ARHGEF28: variants seen among roughly 807,000 people sequenced by gnomAD.
ARHGEF28 encodes 190 kDa guanine nucleotide exchange factor.
ARHGEF28 carries 152 observed loss-of-function variants against 206.6 expected under a neutral mutation model. The observed-to-expected ratio is 0.74, with a 90% CI of 0.64 to 0.84. The LOEUF (loss-of-function observed/expected upper bound fraction) is 0.84. ARHGEF28 is among the 40% of genes least tolerant of loss of function. The pLI, the probability that ARHGEF28 is intolerant of heterozygous loss-of-function variation, is 0.00. For synonymous variants in ARHGEF28, 763 were observed against 776.4 expected (o/e 0.98, Z 0.29); for missense variants, 2,028 against 2,073.2 (o/e 0.98, Z 0.42).
intron 2 of ARHGEF28, among the ~76,000 whole-genome samples, chr5:73,733,938 C>A (rs1750754827): frequency 6.6e-6 from 1 of 151,958 alleles, no homozygotes; most frequent in South Asian, 2.1e-4. Context: ...AGTCACATGG[C>A]CAGAGCAGGA....
intron 7 of ARHGEF28, among the ~76,000 whole-genome samples, chr5:73,791,632 A>G (rs1754487044): frequency 7.1e-6 from 1 of 140,190 alleles, no homozygotes; most frequent in Non-Finnish European, 1.5e-5. Context: ...AGACAGTAAG[A>G]CATGTGCATA....
chr5:73,808,843 CCTT>C (rs1167356350), intron 9 of ARHGEF28, among the ~76,000 whole-genome samples: 3 of 152,132 alleles, frequency 2.0e-5, no homozygotes, highest in Admixed American at 6.6e-5. Context: ...TCTTCTTCCT[CCTT>C]CTTCTCCTCC....
Position 73,821,626 on chromosome 5 carries a change from C to T in ARHGEF28, c.1025-10712C>T, listed in dbSNP as rs561031619. Among the ~76,000 whole-genome samples the T allele has an allele frequency of 4.0e-5, 6 of 151,780 alleles. No homozygotes were observed. The South Asian group carries it at 8.4e-4, about 21-fold the overall frequency. On this transcript the variant is annotated intron_variant, in intron 9 of 35. Coordinates refer to ENST00000513042, the MANE Select transcript of ARHGEF28 (RefSeq NM_001177693.2). ...CACTTGAAGTGGTCTTGTCAGAGTC[C>T]GCCGCTTCATTTGAGGTCTTTTGGT...
rs1291693714 is a variant in ARHGEF28, at chr5:73,658,327, G to T, written c.-11-26514G>T. Among the ~76,000 whole-genome samples the T allele has an allele frequency of 5.9e-5, 9 of 152,220 alleles. No homozygotes were observed. In the East Asian group the frequency reaches 1.7e-3, roughly 29 times the overall value. ...TAGACTAAGAATTCCTGATGGCAGA[G>T]ACCTGTCTTACTCACCTTAGAATTT... On this transcript the variant is annotated intron_variant, in intron 1 of 35. Transcript: ENST00000513042.
At chr5:73,907,507 T>C (rs1264006583) in intron 33 of ARHGEF28, among the ~76,000 whole-genome samples, 1 of 152,248 alleles carries the variant, frequency 6.6e-6, no homozygotes, top group African/African-American at 2.4e-5. Context: ...GCTGAATGTC[T>C]TATATGTGAC....
intron 33 of ARHGEF28, 124 bp downstream of exon 33, chr5:73,904,529 A>G: frequency 9.2e-7 from 1 of 1,081,950 alleles, no homozygotes; most frequent in Non-Finnish European, 1.3e-6. Flanking sequence ...AAAGAATGAC[A>G]ACCTTCTAAG....
chr5:73,918,958 T>C (rs1397223958), intron 35 of ARHGEF28, among the ~76,000 whole-genome samples: 1 of 152,212 alleles, frequency 6.6e-6, no homozygotes, highest in Non-Finnish European at 1.5e-5. Flanking sequence ...GCCTGACGCA[T>C]GTCCCCGGAT....
intron 29 of ARHGEF28, among the ~76,000 whole-genome samples, chr5:73,896,923 A>C (rs1561494451): frequency 6.6e-6 from 1 of 152,182 alleles, no homozygotes; most frequent in Admixed American, 6.5e-5. Flanking sequence ...CGTGAGCCGC[A>C]GTTGGATAAT....
At chr5:73,775,494 C>T (rs1324767672) in intron 5 of ARHGEF28, among the ~76,000 whole-genome samples, 2 of 152,064 alleles carry the variant, frequency 1.3e-5, no homozygotes, top group African/African-American at 4.8e-5. Context: ...GGAGAGGTCC[C>T]CCAAGACTTA....
chr5:73,902,592 T>G (rs548963120), intron 31 of ARHGEF28: 9 of 152,166 alleles, frequency 5.9e-5, no homozygotes, highest in Non-Finnish European at 8.8e-5. Flanking sequence ...AAATCAAACT[T>G]TTAAAAGGTG....
chr5:73,671,235 AC>A (rs1303357663), intron 1 of ARHGEF28, among the ~76,000 whole-genome samples: 1 of 152,130 alleles, frequency 6.6e-6, no homozygotes, highest in African/African-American at 2.4e-5. Context: ...AAAGTGGGAA[AC>A]CCTGTAGCTT....
chr5:73,869,222 T>TGGGGGGGGGGGGGG, intron 20 of ARHGEF28, among the ~76,000 whole-genome samples: 1 of 99,258 alleles, frequency 1.0e-5, no homozygotes, highest in East Asian at 3.3e-4. Context: ...GTGTGTGGGG[T>TGGGGGGGGGGGGGG]GGAGGGGGGT....
intron 1 of ARHGEF28, among the ~76,000 whole-genome samples, chr5:73,650,358 C>T (rs1413679991): frequency 4.1e-5 from 6 of 146,302 alleles, no homozygotes; most frequent in Non-Finnish European, 7.4e-5. Flanking sequence ...GGTCTCAGCT[C>T]ACTGCAACTT....
chr5:73,816,325 A>AT (rs1180557930), intron 9 of ARHGEF28, among the ~76,000 whole-genome samples: 1 of 152,176 alleles, frequency 6.6e-6, no homozygotes, highest in African/African-American at 2.4e-5. Context: ...ACAGGATATC[A>AT]TAAGTATTTT....
At chr5:73,888,169 G>A (rs557312059) in intron 26 of ARHGEF28, among the ~76,000 whole-genome samples, 30 of 152,226 alleles carry the variant, frequency 2.0e-4, no homozygotes, top group Middle Eastern at 6.8e-3. Context: ...TACTAACCCC[G>A]TGACTGCCAT....
Position 73,901,280 on chromosome 5 carries a change from A to G in ARHGEF28, c.4070A>G (p.Glu1357Gly). ...GACTTGGCCGTCTCTGATGCAGGGG[A>G]GAAGGTATTGTGAACTGATTTGTTA... ...VTDLAVSDAG[E>G]KVECRNFPGS... is the part of the protein sequence containing the mutation. Residue 1357 changes from glutamate (E) to glycine (G), a missense_variant, in exon 31 of 36, where the codon GAG becomes GGG. Physicochemically the swap from Glu to Gly is moderately conservative, Grantham distance 98. This residue lies in a region of ARHGEF28 where 803 missense variants were observed against 768.0 expected (regional missense o/e 1.05). Coordinates refer to ENST00000513042, the MANE Select transcript of ARHGEF28 (RefSeq NM_001177693.2). 1 of 1,612,330 alleles carries G rather than the reference A, an allele frequency of 6.2e-7. No homozygotes were observed. Among genetic ancestry groups the G allele is most frequent in the Non-Finnish European group, 8.5e-7 (1 of 1,179,196 alleles).
At chr5:73,634,599 G>A (rs1040206099) in intron 1 of ARHGEF28, among the ~76,000 whole-genome samples, 1 of 152,158 alleles carries the variant, frequency 6.6e-6, no homozygotes, top group Non-Finnish European at 1.5e-5. Flanking sequence ...CTTGTCTCCT[G>A]TATCGAATCC....
chr5:73,682,418 CTTTTTTTTTTT>C (rs113519554), intron 1 of ARHGEF28, among the ~76,000 whole-genome samples: 2 of 140,714 alleles, frequency 1.4e-5, no homozygotes, highest in African/African-American at 5.2e-5. Flanking sequence ...ACAATTCATT[CTTTTTTTTTTT>C]TTTTTGAGAT....
chr5:73,890,550 G>A (rs1002018457), intron 26 of ARHGEF28, among the ~76,000 whole-genome samples: 1 of 152,198 alleles, frequency 6.6e-6, no homozygotes, highest in Non-Finnish European at 1.5e-5. Context: ...CTGAGCACAG[G>A]CTGTATAGAC....
Sources: gnomAD v4.1 joint callset for allele counts (sites outside exome capture counted in the v4.1 genomes callset) on GRCh38, gnomAD v4.1.1 for gene constraint, gnomAD v4.1.1 regional missense constraint, MANE v1.5 for transcripts, NCBI Gene and HGNC (gene_info 2026-07-23, HGNC 2026-07-21) for gene names.